PMFBP1: variants seen among roughly 807,000 people sequenced by gnomAD.
PMFBP1 encodes polyamine modulated factor 1 binding protein 1.
PMFBP1 carries 131 observed loss-of-function variants against 137.8 expected under a neutral mutation model. The observed-to-expected ratio is 0.95, with a 90% confidence interval of 0.82 to 1.10. PMFBP1 has a LOEUF of 1.10. Among genes scored for constraint, PMFBP1 ranks in the 50% least tolerant of loss-of-function variants. The pLI is 0.00. For synonymous variants in PMFBP1, 490 were observed against 450.4 expected (o/e 1.09, Z -1.11); for missense variants, 1,199 against 1,175.4 (o/e 1.02, Z -0.29).
At chr16:72,164,629 C>G in intron 3 of PMFBP1, 135 bp downstream of exon 3, 1 of 1,292,904 alleles carries the variant, frequency 7.7e-7, no homozygotes, top group East Asian at 2.3e-5. Flanking sequence ...GTTTAATTCT[C>G]TTAATTCTCT....
intron 14 of PMFBP1, 112 bp downstream of exon 14, chr16:72,128,545 G>A (rs1255005183): frequency 6.3e-7 from 1 of 1,596,872 alleles, no homozygotes; most frequent in South Asian, 1.1e-5. Flanking sequence ...AGGATCCGCA[G>A]TTGGCTGAGC....
the PMFBP1 span, among the ~76,000 whole-genome samples, chr16:72,195,981 ATGTGTGTGTG>A: frequency 0.4 from 57,765 of 144,912 alleles, 11,892 homozygotes; most frequent in Non-Finnish European, 0.45. Flanking sequence ...AGCTTACAGA[ATGTGTGTGTG>A]TGTGTGTGTG....
rs2043216120 is a variant in PMFBP1, at chr16:72,171,200, A to G, written c.9T>C (p.Asp3=). The G allele has an allele frequency of 1.9e-6, 3 of 1,613,828 alleles. No individual in the cohort carries two copies. The African/African-American group carries it at 4.0e-5, about 22-fold the overall frequency. ...GTAGAGGAGTTAGGAGCCTTACCTC[A>G]TCTTTCATTTCCTTGGCAGCTCTCA... MK[D]EAGERDREVS... The change falls in exon 2 of 21, where the codon GAT becomes GAC. Residue 3 remains aspartate (D), a synonymous_variant. Transcript: ENST00000237353.
chr16:72,156,312 G>C (rs900109162), intron 3 of PMFBP1, among the ~76,000 whole-genome samples: 62 of 151,946 alleles, frequency 4.1e-4, no homozygotes, highest in Non-Finnish European at 7.8e-4. Context: ...GGTTCATCCA[G>C]GTTGCGGCAA....
the PMFBP1 span, among the ~76,000 whole-genome samples, chr16:72,210,349 G>A: frequency 3.9e-5 from 6 of 152,188 alleles, no homozygotes; most frequent in Admixed American, 3.9e-4. Flanking sequence ...GAACAAGTTG[G>A]CATTTTGGTG....
chr16:72,231,225 G>A, the PMFBP1 span, among the ~76,000 whole-genome samples: 2 of 152,100 alleles, frequency 1.3e-5, no homozygotes, highest in African/African-American at 2.4e-5. Flanking sequence ...GATCATTTAC[G>A]AAAGCCTATT....
the PMFBP1 span, among the ~76,000 whole-genome samples, chr16:72,188,354 G>A: frequency 4.6e-5 from 7 of 152,352 alleles, no homozygotes; most frequent in Non-Finnish European, 1.0e-4. Flanking sequence ...AGCACTGAGA[G>A]CTTTCCAAGG....
In PMFBP1 at chr16:72,159,559, A is replaced by G. The variant is rs552035318; in HGVS notation, c.166-5100T>C. Among the ~76,000 whole-genome samples, 5 of 152,312 alleles carry G rather than the reference A, an allele frequency of 3.3e-5. No homozygotes were observed. The South Asian group carries it at 6.2e-4, about 19-fold the overall frequency. On this transcript the variant is annotated intron_variant, in intron 3 of 20. Transcript: ENST00000237353. ...CTGCAGAGAAACTAGAGTTCTTTGG[A>G]TAGGAATTTTAAACATTTGCACACT...
the PMFBP1 span, among the ~76,000 whole-genome samples, chr16:72,249,938 A>T: frequency 6.6e-6 from 1 of 151,016 alleles, no homozygotes. Context: ...AAAAAAAAAA[A>T]AAAAAAGAAA....
At chr16:72,139,897 C>T (rs950460387) in intron 6 of PMFBP1, among the ~76,000 whole-genome samples, 8 of 152,314 alleles carry the variant, frequency 5.3e-5, no homozygotes, top group Non-Finnish European at 8.8e-5. Context: ...GTGAAACCCC[C>T]TCTTCACTTA....
At chr16:72,135,360 T>A (rs964002194) in intron 9 of PMFBP1, among the ~76,000 whole-genome samples, 11 of 130,604 alleles carry the variant, frequency 8.4e-5, no homozygotes, top group African/African-American at 3.0e-4. Context: ...TGTGTGTGTG[T>A]TTTTTTTTTT....
At chr16:72,234,744 T>G in the PMFBP1 span, among the ~76,000 whole-genome samples, 1 of 152,208 alleles carries the variant, frequency 6.6e-6, no homozygotes, top group Admixed American at 6.5e-5. Flanking sequence ...GAACCTGAAC[T>G]GACCCACTGA....
chr16:72,211,343 G>C, the PMFBP1 span, among the ~76,000 whole-genome samples: 1,200 of 152,246 alleles, frequency 7.9e-3, 26 homozygotes, highest in African/African-American at 0.028. Context: ...AAAACCAGAA[G>C]TTTCTTCTCT....
At chr16:72,159,797 CT>C (rs34162927) in intron 3 of PMFBP1, among the ~76,000 whole-genome samples, 15,411 of 147,520 alleles carry the variant, frequency 0.1, 927 homozygotes, top group East Asian at 0.17. Context: ...GCTTCTTTGT[CT>C]TTTTTTTTTT....
chr16:72,183,703 C>T, the PMFBP1 span, among the ~76,000 whole-genome samples: 1 of 152,086 alleles, frequency 6.6e-6, no homozygotes, highest in African/African-American at 2.4e-5. Context: ...CAACTAAACC[C>T]ATAACAGTAG....
chr16:72,163,237 A>T lies in PMFBP1; in HGVS notation c.165+1527T>A, dbSNP rs551996172. On this transcript the variant is annotated intron_variant, in intron 3 of 20. Transcript: ENST00000237353. ...TCACTAAATGGAAATGAAGACCACA[A>T]GTAAAGAATTCTTGGAAACCCAAAG... Among the ~76,000 whole-genome samples the T allele has an allele frequency of 2.6e-5, 4 of 152,328 alleles. No homozygotes were observed. In the East Asian group the frequency reaches 5.8e-4, roughly 22 times the overall value.
At chr16:72,199,749 G>A in the PMFBP1 span, among the ~76,000 whole-genome samples, 8 of 151,836 alleles carry the variant, frequency 5.3e-5, no homozygotes, top group East Asian at 1.9e-4. Flanking sequence ...TTAGCAGGTC[G>A]GTCCCTCTAG....
intron 14 of PMFBP1, 152 bp downstream of exon 14, chr16:72,128,505 T>C (rs2042495576): frequency 6.4e-7 from 1 of 1,553,226 alleles, no homozygotes. Flanking sequence ...CAGGTGCCAA[T>C]GGGGAGGGAA....
At chr16:72,240,549 G>A in the PMFBP1 span, among the ~76,000 whole-genome samples, 32 of 152,330 alleles carry the variant, frequency 2.1e-4, no homozygotes, top group South Asian at 6.4e-3. Context: ...TTTGTATCAT[G>A]GTTGAAAGTG....
Sources: gnomAD v4.1 joint callset for allele counts (sites outside exome capture counted in the v4.1 genomes callset) on GRCh38, gnomAD v4.1.1 for gene constraint, MANE v1.5 for transcripts, NCBI Gene and HGNC (gene_info 2026-07-23, HGNC 2026-07-21) for gene names.